Variants in APOOL observed in about 807,000 individuals in gnomAD.
The protein encoded by APOOL is MICOS complex subunit MIC27.
Under a neutral mutation model 23.1 loss-of-function variants are expected in APOOL, and 12 were observed. The ratio of observed to expected loss-of-function variants is 0.52; its 90% CI spans 0.33 to 0.84. The LOEUF (loss-of-function observed/expected upper bound fraction) is 0.84. Ranked by LOEUF, APOOL falls within the 40% of genes least tolerant of loss-of-function variation. The probability of loss-of-function intolerance (pLI) is 0.02; values close to 1 mark genes in which losing one functional copy is unlikely to be tolerated. For synonymous variants in APOOL, 77 were observed against 69.9 expected, an observed-to-expected ratio of 1.10 and a Z score of -0.51; for missense variants, 212 against 199.6, an observed-to-expected ratio of 1.06 and a Z score of -0.37.
chrX:85,033,957 C>T (rs1227576189), intron 1 of APOOL, among the ~76,000 whole-genome samples: 1 of 111,494 alleles, frequency 9.0e-6, no homozygotes, highest in Non-Finnish European at 1.9e-5. Context: ...ATAATCTTAA[C>T]TTTTATAATC....
At chrX:85,061,857 A>G (rs1923239463) in intron 5 of APOOL, among the ~76,000 whole-genome samples, 1 of 111,532 alleles carries the variant, frequency 9.0e-6, no homozygotes, top group Admixed American at 9.6e-5. Context: ...GATTTTTTGA[A>G]GGGTTTTTTG....
At chrX:85,032,483 C>T (rs549356790) in intron 1 of APOOL, among the ~76,000 whole-genome samples, 20 of 106,881 alleles carry the variant, frequency 1.9e-4, no homozygotes, top group African/African-American at 6.2e-4. Context: ...CATTGCACTC[C>T]AGCCTGGGCA....
At chrX:85,030,434 G>A (rs1350892738) in intron 1 of APOOL, among the ~76,000 whole-genome samples, 1 of 110,702 alleles carries the variant, frequency 9.0e-6, no homozygotes, top group Admixed American at 9.6e-5. Context: ...CAGGTGACAG[G>A]TGCACTAAAA....
chrX:85,093,122 C>T lies in APOOL; in HGVS notation c.*5444C>T. The stretch of plus-strand genomic sequence containing the variant: ...GTGAGATTAATGATTTAATTTATGC[C>T]CTGTGAATATTTATTAAGAAAAGGT... On this transcript the variant is annotated 3_prime_UTR_variant, in exon 9 of 9. Transcript: ENST00000373173. The T allele has an allele frequency of 9.8e-7, 1 of 1,020,692 alleles. No individual in the cohort carries two copies. Among genetic ancestry groups the T allele is most frequent in the Non-Finnish European group, 1.3e-6 (1 of 754,320 alleles). The allele number at this position is 1,020,692 out of a possible 1,213,427, so 84.1% of individuals were successfully genotyped here.
intron 1 of APOOL, among the ~76,000 whole-genome samples, chrX:85,043,793 G>C (rs891897430): frequency 5.4e-5 from 6 of 111,694 alleles, no homozygotes; most frequent in African/African-American, 1.6e-4. Flanking sequence ...ACTAGAGCCT[G>C]ATTAGCATGA....
intron 8 of APOOL, among the ~76,000 whole-genome samples, chrX:85,076,767 G>A (rs1207318869): frequency 3.7e-5 from 4 of 108,741 alleles, no homozygotes; most frequent in Non-Finnish European, 7.6e-5. Flanking sequence ...CTGAATATGA[G>A]TTTGGTTGTT....
chrX:85,008,080 A>G (rs1204963322), intron 1 of APOOL, among the ~76,000 whole-genome samples: 1 of 111,798 alleles, frequency 8.9e-6, no homozygotes, highest in Non-Finnish European at 1.9e-5. Flanking sequence ...ATAGGTAGCT[A>G]TAAGACCCTC....
At chrX:85,075,753 T>G (rs956951346) in intron 8 of APOOL, among the ~76,000 whole-genome samples, 1 of 111,620 alleles carries the variant, frequency 9.0e-6, no homozygotes, top group Non-Finnish European at 1.9e-5. Context: ...CACATCTAGA[T>G]TCTGGAACCC....
intron 1 of APOOL, among the ~76,000 whole-genome samples, chrX:85,009,187 T>A (rs932099046): frequency 4.5e-5 from 5 of 111,913 alleles, no homozygotes; most frequent in African/African-American, 1.6e-4. Context: ...TAATATCATG[T>A]AATCTGGGAG....
chrX:85,076,888 TC>T (rs1473949290), intron 8 of APOOL, among the ~76,000 whole-genome samples: 1 of 106,672 alleles, frequency 9.4e-6, no homozygotes, highest in African/African-American at 3.4e-5. Context: ...GAATGAAATC[TC>T]TCACAGTCTT....
chrX:85,009,512 C>T (rs988623528), intron 1 of APOOL, among the ~76,000 whole-genome samples: 1 of 111,759 alleles, frequency 8.9e-6, no homozygotes, highest in African/African-American at 3.2e-5. Context: ...TTGTTTTTGT[C>T]TTTCATTCTA....
At chrX:85,055,760 A>G (rs1436217080) in intron 4 of APOOL, 67 bp from the exon 5 acceptor site, 4 of 791,965 alleles carry the variant, frequency 5.1e-6, no homozygotes, top group African/African-American at 2.2e-5. Flanking sequence ...ACCTTCCTGC[A>G]TTATAACTGT....
At chrX:85,053,761 A>AT (rs1922860277) in intron 3 of APOOL, among the ~76,000 whole-genome samples, 2 of 111,914 alleles carry the variant, frequency 1.8e-5, no homozygotes, top group African/African-American at 6.5e-5. Flanking sequence ...CCTCTGATGT[A>AT]TTAACATAGT....
Position 85,093,034 on chromosome X carries a change from A to T in APOOL, c.*5356A>T. 1 of 508,557 alleles carries T rather than the reference A, an allele frequency of 2.0e-6. No individual in the cohort carries two copies. Among genetic ancestry groups the T allele is most frequent in the Non-Finnish European group, 3.2e-6 (1 of 312,245 alleles). 41.9% of individuals were successfully genotyped at this position (508,557 alleles called of 1,213,427 possible). A position where few individuals can be genotyped will look rare whatever the true frequency, so the allele number is the denominator to read the frequency against. Reference sequence around the variant, plus strand: ...TTCATATACTGTATATGATCATCTGATTTGAAAATCCAGTTTAATTTGGGT... The same window carrying T: ...TTCATATACTGTATATGATCATCTGTTTTGAAAATCCAGTTTAATTTGGGT... On this transcript the variant is annotated 3_prime_UTR_variant, in exon 9 of 9. Transcript: ENST00000373173.
At chrX:85,047,273 G>GTTCC (rs1223212154) in intron 2 of APOOL, among the ~76,000 whole-genome samples, 1 of 111,692 alleles carries the variant, frequency 9.0e-6, no homozygotes, top group Non-Finnish European at 1.9e-5. Context: ...ACAGCTTTGA[G>GTTCC]TTCCTCACTA....
chrX:85,091,876 A>G lies in APOOL; in HGVS notation c.*4198A>G, dbSNP rs1439128406. On this transcript the variant is annotated 3_prime_UTR_variant, in exon 9 of 9. Transcript: ENST00000373173. Reference sequence around the variant, plus strand: ...GAATATATTCAAACACCCATATTTCATCAAATCTAAGGCATATCATATACC... The same window carrying G: ...GAATATATTCAAACACCCATATTTCGTCAAATCTAAGGCATATCATATACC... The G allele has an allele frequency of 9.0e-6, 1 of 111,586 alleles. No individual in the cohort carries two copies. The allele number at this position is 111,586 out of a possible 1,213,427, so 9.2% of individuals were successfully genotyped here. A position where few individuals can be genotyped will look rare whatever the true frequency, so the allele number is the denominator to read the frequency against.
At chrX:85,069,064 A>C (rs775184503) in intron 6 of APOOL, among the ~76,000 whole-genome samples, 1 of 112,137 alleles carries the variant, frequency 8.9e-6, no homozygotes, top group South Asian at 3.7e-4. Flanking sequence ...TAAGAGATTA[A>C]TTTTTAAATG....
chrX:85,019,332 T>C (rs1459776441), intron 1 of APOOL, among the ~76,000 whole-genome samples: 1 of 112,082 alleles, frequency 8.9e-6, no homozygotes, highest in Non-Finnish European at 1.9e-5. Context: ...ATAATAGAGA[T>C]TGAAGGGAAT....
intron 5 of APOOL, among the ~76,000 whole-genome samples, chrX:85,059,174 A>C (rs1396755710): frequency 6.4e-5 from 7 of 109,136 alleles, no homozygotes; most frequent in Admixed American, 9.8e-5. Flanking sequence ...GACGGTTTCC[A>C]GTTTCATCCA....
Sources: gnomAD v4.1 joint callset for allele counts (sites outside exome capture counted in the v4.1 genomes callset) on GRCh38, gnomAD v4.1.1 for gene constraint, MANE v1.5 for transcripts, NCBI Gene and HGNC (gene_info 2026-07-23, HGNC 2026-07-21) for gene names.